Variants in TLR2 observed in about 807,000 individuals in gnomAD.
TLR2 encodes the protein toll like receptor 2, also known as toll-like receptor 2.
A neutral mutation model predicts 9.1 loss-of-function variants in TLR2; 7 were observed. That is an observed-to-expected ratio of 0.77 (90% CI 0.44 to 1.44). The LOEUF is 1.44. Ranked by LOEUF, TLR2 falls within the 40% of genes most tolerant of loss-of-function variation. The pLI is 0.01. For missense variants in TLR2, 812 were observed against 904.6 expected (o/e 0.90, Z 1.31); for synonymous variants, 317 against 344.6 (o/e 0.92, Z 0.89).
Position 153,703,744 on chromosome 4 carries a change from GTTAGAA to G in TLR2, c.843_848del (p.Leu282_Glu283del), listed in dbSNP as rs757158947. The G allele has an allele frequency of 2.9e-5, 46 of 1,613,824 alleles. No individual in the cohort carries two copies. The highest frequency in any genetic ancestry group is 3.5e-5 in the Non-Finnish European group (41 of 1,179,996). On this transcript the variant is annotated inframe_deletion, in exon 3 of 3. Transcript: ENST00000642700. Reference sequence around the variant, plus strand: ...AACTTTTGAATCAGATTTCTGGATTGTTAGAATTAGAGTTTGATGACTGTACCCTTA... The same window carrying G: ...AACTTTTGAATCAGATTTCTGGATTGTTAGAGTTTGATGACTGTACCCTTA...
downstream of TLR2, chr4:153,710,562 T>G: frequency 1.4e-6 from 2 of 1,384,754 alleles, no homozygotes; most frequent in Non-Finnish European, 2.0e-6. Context: ...CATTTGCAAA[T>G]ATAATAAACA....
At chr4:153,702,143 T>A (rs1736937274) in intron 2 of TLR2, 1 of 152,256 alleles carries the variant, frequency 6.6e-6, no homozygotes, top group Admixed American at 6.5e-5. Flanking sequence ...AACTAGCAGT[T>A]GTGGTGCAGA....
chr4:153,704,432 A>T lies in TLR2; in HGVS notation c.1525A>T (p.Asn509Tyr), dbSNP rs1292452669. 1 of 1,614,164 alleles carries T rather than the reference A, an allele frequency of 6.2e-7. No individual in the cohort carries two copies. Among genetic ancestry groups the T allele is most frequent in the South Asian group, 1.1e-5 (1 of 91,084 alleles). Reference sequence around the variant, plus strand: ...GTTACTAGTATTGAAAATCAGTAGGAATGCAATAACTACGTTTTCTAAGGA... The same window carrying T: ...GTTACTAGTATTGAAAATCAGTAGGTATGCAATAACTACGTTTTCTAAGGA... ...PMLLVLKISR[N>Y]AITTFSKEQL... Residue 509 changes from asparagine to tyrosine, a missense_variant, in exon 3 of 3, where the codon AAT becomes TAT. Coordinates refer to ENST00000642700, the MANE Select transcript of TLR2 (RefSeq NM_001318789.2).
At chr4:153,695,028 A>C (rs1416384223) in intron 2 of TLR2, among the ~76,000 whole-genome samples, 1 of 152,164 alleles carries the variant, frequency 6.6e-6, no homozygotes, top group Non-Finnish European at 1.5e-5. Context: ...GCTGAATAGT[A>C]CCCCATTGTA....
chr4:153,705,421 G>A lies in TLR2; in HGVS notation c.*159G>A. The A allele has an allele frequency of 1.2e-6, 1 of 807,574 alleles. No homozygotes were observed. Among genetic ancestry groups the A allele is most frequent in the Non-Finnish European group, 1.8e-6 (1 of 547,452 alleles). The allele number at this position is 807,574 out of a possible 1,614,324, so 50.0% of individuals were successfully genotyped here. A position where few individuals can be genotyped will look rare whatever the true frequency, so the allele number is the denominator to read the frequency against. ...CAAAACTTCAAATTTTGTCTGGGGT[G>A]CTGTTTTATAAACATATGCCAGATT... On this transcript the variant is annotated 3_prime_UTR_variant, in exon 3 of 3. Transcript: ENST00000642700.
At chr4:153,689,695 A>C (rs372478358) in intron 2 of TLR2, among the ~76,000 whole-genome samples, 66 of 152,250 alleles carry the variant, frequency 4.3e-4, no homozygotes, top group African/African-American at 1.5e-3. Flanking sequence ...TTGCCAGCCA[A>C]GATTGATAAA....
intron 2 of TLR2, among the ~76,000 whole-genome samples, chr4:153,698,016 G>T (rs1736623259): frequency 6.6e-6 from 1 of 152,104 alleles, no homozygotes; most frequent in East Asian, 1.9e-4. Context: ...AGAGTCACTT[G>T]TTTTACTCTG....
rs1737280435 is a variant in TLR2 at position 153,705,538 on chromosome 4, A to G, written c.*276A>G. On this transcript the variant is annotated 3_prime_UTR_variant, in exon 3 of 3. Transcript: ENST00000642700. ...TCTGAATATAGTCCCTTGGTATCCA[A>G]GGGAATTGGTTGCAGGATCCTCGTG... The G allele has an allele frequency of 3.7e-6, 1 of 269,438 alleles. No individual in the cohort carries two copies. The highest frequency in any genetic ancestry group is 7.5e-6 in the Non-Finnish European group (1 of 134,082). The allele number at this position is 269,438 out of a possible 1,614,324, so 16.7% of individuals were successfully genotyped here. A position where few individuals can be genotyped will look rare whatever the true frequency, so the allele number is the denominator to read the frequency against.
At chr4:153,691,790 G>C (rs539711598) in intron 2 of TLR2, among the ~76,000 whole-genome samples, 1 of 152,092 alleles carries the variant, frequency 6.6e-6, no homozygotes, top group African/African-American at 2.4e-5. Flanking sequence ...TGATCCCTAC[G>C]TATAGTTACT....
downstream of TLR2, chr4:153,710,285 C>A: frequency 9.3e-7 from 1 of 1,081,032 alleles, no homozygotes; most frequent in Non-Finnish European, 1.3e-6. Flanking sequence ...CACTTGGGAT[C>A]ATCTCTAAAA....
intron 2 of TLR2, among the ~76,000 whole-genome samples, chr4:153,693,812 G>A (rs1327760264): frequency 6.6e-6 from 1 of 152,136 alleles, no homozygotes; most frequent in Non-Finnish European, 1.5e-5. Flanking sequence ...CTCACCATGG[G>A]GATTGCTTAA....
At chr4:153,710,184 CTTTATTTG>C (rs921652963), downstream of TLR2, 3 of 490,998 alleles carry the variant, frequency 6.1e-6, no homozygotes, top group East Asian at 6.5e-5. Flanking sequence ...AAAAAACATG[CTTTATTTG>C]TTTATTCCAT....
At position 153,706,125 on chromosome 4, in the gene TLR2, T is replaced by C. The variant is rs1353757610; in HGVS notation, c.*863T>C. Among the ~76,000 whole-genome samples the C allele has an allele frequency of 6.6e-6, 1 of 152,278 alleles. No homozygotes were observed. Among genetic ancestry groups the C allele is most frequent in the Non-Finnish European group, 1.5e-5 (1 of 68,052 alleles). ...GGTGTATTTTCATGTGATCTGGATC[T>C]GTCTTTCTGGCTATTAGATAGGTTT... On this transcript the variant is annotated 3_prime_UTR_variant, in exon 3 of 3. Coordinates refer to ENST00000642700, the MANE Select transcript of TLR2 (RefSeq NM_001318789.2).
At chr4:153,706,506 C>T (rs879076091), downstream of TLR2, among the ~76,000 whole-genome samples, 42 of 152,278 alleles carry the variant, frequency 2.8e-4, no homozygotes, top group African/African-American at 1.0e-3. Flanking sequence ...CCTAGAGTTT[C>T]CTCATAATGA....
At chr4:153,710,544 A>G (rs200790774), downstream of TLR2, 786 of 1,534,002 alleles carry the variant, frequency 5.1e-4, 7 homozygotes, top group Admixed American at 9.7e-4. Context: ...AGAAATATTC[A>G]TAAATGTCAT....
Position 153,703,931 on chromosome 4 carries a change from A to G in TLR2, c.1024A>G (p.Thr342Ala). ...YSLTERVKRI[T>A]VENSKVFLVP... ...ACTTACAGAAAGAGTTAAAAGAATC[A>G]CAGTAGAAAACAGTAAAGTTTTTCT... is the stretch of plus-strand genomic sequence containing the variant. The change falls in exon 3 of 3, where the codon ACA becomes GCA. Residue 342 changes from threonine to alanine, a missense_variant. Thr to Ala is a moderately conservative substitution (Grantham distance 58). Transcript: ENST00000642700. The G allele has an allele frequency of 4.3e-6, 7 of 1,611,678 alleles. No individual in the cohort carries two copies. Among genetic ancestry groups the G allele is most frequent in the Non-Finnish European group, 5.9e-6 (7 of 1,179,480 alleles).
chr4:153,685,086 C>T (rs1466172429), intron 1 of TLR2, among the ~76,000 whole-genome samples: 2 of 152,228 alleles, frequency 1.3e-5, no homozygotes, highest in Non-Finnish European at 2.9e-5. Flanking sequence ...GGCTCCCTAA[C>T]CCAAGTCTGA....
chr4:153,710,475 T>C (rs756959625), downstream of TLR2: 2 of 1,608,764 alleles, frequency 1.2e-6, no homozygotes, highest in South Asian at 1.1e-5. Context: ...ATACAGAAAA[T>C]GTGTGCGCTC....
Position 153,705,438 on chromosome 4 carries a change from T to C in TLR2, c.*176T>C, listed in dbSNP as rs1050869619. Reference sequence around the variant, plus strand: ...TCTGGGGTGCTGTTTTATAAACATATGCCAGATTTAAAAATTGGTTTTTGG... The same window carrying C: ...TCTGGGGTGCTGTTTTATAAACATACGCCAGATTTAAAAATTGGTTTTTGG... On this transcript the variant is annotated 3_prime_UTR_variant, in exon 3 of 3. Coordinates refer to ENST00000642700, the MANE Select transcript of TLR2 (RefSeq NM_001318789.2). The C allele has an allele frequency of 1.6e-6, 1 of 640,090 alleles. No homozygotes were observed. The highest frequency in any genetic ancestry group is 2.5e-6 in the Non-Finnish European group (1 of 405,518). The allele number at this position is 640,090 out of a possible 1,614,324, so 39.7% of individuals were successfully genotyped here. A position where few individuals can be genotyped will look rare whatever the true frequency, so the allele number is the denominator to read the frequency against.
Sources: gnomAD v4.1 joint callset for allele counts (sites outside exome capture counted in the v4.1 genomes callset) on GRCh38, gnomAD v4.1.1 for gene constraint, MANE v1.5 for transcripts, NCBI Gene and HGNC (gene_info 2026-07-23, HGNC 2026-07-21) for gene names.